Variants in PODNL1 observed in about 807,000 individuals in gnomAD.
The protein encoded by PODNL1 is podocan like 1, also known as podocan-like protein 1.
A neutral mutation model predicts 45.1 loss-of-function variants in PODNL1; 50 were observed. The ratio of observed to expected loss-of-function variants is 1.11; its 90% CI spans 0.88 to 1.40. The LOEUF (loss-of-function observed/expected upper bound fraction) is 1.40. Among genes scored for constraint, PODNL1 ranks in the 40% most tolerant of loss-of-function variants. The probability of loss-of-function intolerance (pLI) is 0.00; values close to 1 mark genes in which losing one functional copy is unlikely to be tolerated. For synonymous variants in PODNL1, 406 were observed against 372.5 expected (o/e 1.09, Z -1.04); for missense variants, 788 against 793.3 (o/e 0.99, Z 0.08).
chr19:13,934,570 G>A (rs1196127633), intron 5 of PODNL1, among the ~76,000 whole-genome samples, 160 bp from the exon 6 acceptor site: 2 of 152,110 alleles, frequency 1.3e-5, no homozygotes, highest in Non-Finnish European at 2.9e-5. Context: ...AATTGTGTAT[G>A]TGTGCATGTG....
At chr19:13,934,546 CTG>C (rs756568565) in intron 5 of PODNL1, 136 bp from the exon 6 acceptor site, 16 of 855,676 alleles carry the variant, frequency 1.9e-5, no homozygotes, top group African/African-American at 5.3e-5. Flanking sequence ...TGTGTGGAGT[CTG>C]TGTGGGAATG....
upstream of PODNL1, among the ~76,000 whole-genome samples, chr19:13,940,669 G>A (rs1203128313): frequency 6.6e-6 from 1 of 151,752 alleles, no homozygotes; most frequent in Admixed American, 6.6e-5. Flanking sequence ...GATCAGCTGA[G>A]GTCAGGAGTT....
rs751434712 is a variant in PODNL1, at chr19:13,933,866, A to C, written c.767+12T>G. On this transcript the variant is annotated intron_variant, in intron 7 of 9. Transcript: ENST00000588872. This position sits in a 1 kb window ranked among gnomAD's most constrained non-coding sequence, Gnocchi z 5.2. Reference sequence around the variant, plus strand: ...AATTCTCAGCCCCTGCTGCCCCCCAACCAGCCTGTACCTGAAGGTGGTGGC... The same window carrying C: ...AATTCTCAGCCCCTGCTGCCCCCCACCCAGCCTGTACCTGAAGGTGGTGGC... 31 of 1,584,794 alleles carry C rather than the reference A, an allele frequency of 2.0e-5. 1 individual carries two copies. Among genetic ancestry groups the C allele is most frequent in the Non-Finnish European group, 2.5e-5 (29 of 1,165,612 alleles).
At chr19:13,945,297 G>A (rs2145459148) in intron 1 of PODNL1, among the ~76,000 whole-genome samples, 1 of 151,844 alleles carries the variant, frequency 6.6e-6, no homozygotes, top group African/African-American at 2.4e-5. Context: ...GAACACTTGA[G>A]GACAAGAGTT....
At chr19:13,936,171 C>T (rs774601779) in intron 3 of PODNL1, 127 bp from the exon 4 acceptor site, 1 of 962,432 alleles carries the variant, frequency 1.0e-6, no homozygotes, top group Non-Finnish European at 1.6e-6. Flanking sequence ...CCTCAGATCC[C>T]CTCCTCCCCA....
Position 13,937,902 on chromosome 19 carries a change from G to A in PODNL1, c.108C>T (p.Pro36=). The change falls in exon 2 of 10, where the codon CCC becomes CCT. Residue 36 remains proline, a synonymous_variant. Coordinates refer to ENST00000588872, the MANE Select transcript of PODNL1 (RefSeq NM_001370095.3). ...PHLGESLQPL[P]RACPLRCSCP... Reference sequence around the variant, plus strand: ...AGGAGCAGCGCAGGGGACAGGCCCGGGGCAGGGGCTGCAAGCTCTCCCCCA... The same window carrying A: ...AGGAGCAGCGCAGGGGACAGGCCCGAGGCAGGGGCTGCAAGCTCTCCCCCA... The A allele has an allele frequency of 6.4e-7, 1 of 1,568,282 alleles. No individual in the cohort carries two copies.
In PODNL1 at chr19:13,932,779, T is replaced by C. The variant is rs750382591; in HGVS notation, c.1425+19A>G. On this transcript the variant is annotated intron_variant, in intron 8 of 9. Coordinates refer to ENST00000588872, the MANE Select transcript of PODNL1 (RefSeq NM_001370095.3). ...GGAGGGGCCCTGGGGACAGTGTGGC[T>C]AACCAGCCTGTGCCTGACCTGGAGG... 8.7e-6 allele frequency: 14 copies of C among 1,612,818 alleles called. No homozygotes were observed. The South Asian group carries it at 1.5e-4, about 18-fold the overall frequency.
intron 1 of PODNL1, among the ~76,000 whole-genome samples, chr19:13,944,933 G>A (rs933833445): frequency 2.6e-5 from 4 of 152,038 alleles, no homozygotes; most frequent in African/African-American, 9.7e-5. Context: ...ACACCACCAT[G>A]CTTGGCTAAT....
At chr19:13,936,243 A>G (rs1453975896) in intron 3 of PODNL1, 124 bp downstream of exon 3, 1 of 1,075,636 alleles carries the variant, frequency 9.3e-7, no homozygotes, top group African/African-American at 1.6e-5. Context: ...CATCCTGCTC[A>G]GCAAAGGGCA....
chr19:13,945,393 G>A (rs918682268), intron 1 of PODNL1, among the ~76,000 whole-genome samples: 3 of 151,818 alleles, frequency 2.0e-5, no homozygotes, highest in African/African-American at 7.3e-5. Context: ...GGTGGCTCAC[G>A]GTTGTAATCC....
intron 3 of PODNL1, 78 bp from the exon 4 acceptor site, chr19:13,936,122 A>C: frequency 7.6e-7 from 1 of 1,307,436 alleles, no homozygotes; most frequent in Non-Finnish European, 1.1e-6. Flanking sequence ...CAGCTGCCCC[A>C]GGACTCTCGG....
At position 13,937,900 on chromosome 19, in the gene PODNL1, C is replaced by G. The variant is rs1413875445; in HGVS notation, c.110G>C (p.Arg37Pro). Reference sequence around the variant, plus strand: ...GCAGGAGCAGCGCAGGGGACAGGCCCGGGGCAGGGGCTGCAAGCTCTCCCC... The same window carrying G: ...GCAGGAGCAGCGCAGGGGACAGGCCGGGGGCAGGGGCTGCAAGCTCTCCCC... ...HLGESLQPLP[R>P]ACPLRCSCPR... The change falls in exon 2 of 10, where the codon CGG becomes CCG. Residue 37 changes from arginine to proline, a missense_variant. Coordinates refer to ENST00000588872, the MANE Select transcript of PODNL1 (RefSeq NM_001370095.3). The G allele has an allele frequency of 1.3e-6, 2 of 1,569,636 alleles. No individual in the cohort carries two copies. Among genetic ancestry groups the G allele is most frequent in the South Asian group, 1.2e-5 (1 of 85,580 alleles).
Position 13,933,817 on chromosome 19 carries a change from T to C in PODNL1, c.767+61A>G. On this transcript the variant is annotated intron_variant, in intron 7 of 9. Transcript: ENST00000588872. The surrounding 1 kb of genome is among the most constrained non-coding windows in gnomAD (Gnocchi z 5.2). ...TAGGAGCCAGTCAGGGAAGGGGGAC[T>C]GAAGGTTGGGACCCCCGACTGTAAA... is the stretch of plus-strand genomic sequence containing the variant. 1 of 1,421,434 alleles carries C rather than the reference T, an allele frequency of 7.0e-7. No homozygotes were observed. The highest frequency in any genetic ancestry group is 9.7e-7 in the Non-Finnish European group (1 of 1,031,030). The allele number at this position is 1,421,434 out of a possible 1,614,324, so 88.1% of individuals were successfully genotyped here. A position where few individuals can be genotyped will look rare whatever the true frequency, so the allele number is the denominator to read the frequency against.
At position 13,933,193 on chromosome 19, in the gene PODNL1, G is replaced by T; in HGVS notation, c.1030C>A (p.Arg344Ser). 6.5e-7 allele frequency: 1 copy of T among 1,535,560 alleles called. No homozygotes were observed. Residue 344 changes from arginine to serine, a missense_variant, in exon 8 of 10, where the codon CGC becomes AGC. By Grantham distance (110) the Arg-to-Ser change is moderately radical. Coordinates refer to ENST00000588872, the MANE Select transcript of PODNL1 (RefSeq NM_001370095.3). The surrounding 1 kb of genome is among the most constrained non-coding windows in gnomAD (Gnocchi z 5.2). Reference sequence around the variant, plus strand: ...CGGCGGGGCAGGGCTGGAGGCACGCGGTCCAGCCCATTGCCATAGAGGTGC... The same window carrying T: ...CGGCGGGGCAGGGCTGGAGGCACGCTGTCCAGCCCATTGCCATAGAGGTGC... ...TLHLYGNGLD[R>S]VPPALPRRLR...
rs1300248834 is a variant in PODNL1, at chr19:13,936,464, C to T, written c.226-4G>A. On this transcript the variant is annotated splice_region_variant and splice_polypyrimidine_tract_variant and intron_variant, in intron 2 of 9. Transcript: ENST00000588872. ...GGAGTTCCTGGAGCTGGTTGTTCTG[C>T]AGGGTGAGAGTTGGGGTGTTCACAC... is the stretch of plus-strand genomic sequence containing the variant. 3 of 1,611,376 alleles carry T rather than the reference C, an allele frequency of 1.9e-6. No individual in the cohort carries two copies. The highest frequency in any genetic ancestry group is 2.5e-6 in the Non-Finnish European group (3 of 1,177,916).
Position 13,937,961 on chromosome 19 carries a change from C to CGGG in PODNL1, c.46_48dup (p.Pro16dup). On this transcript the variant is annotated inframe_insertion, in exon 2 of 10. Transcript: ENST00000588872. ...AAGGCAGCGTCTTCCAAGCCGGCGA[C>CGGG]GGGCGGGGGCCCCGGCAACAGCAGG... 1.3e-6 allele frequency: 2 copies of CGGG among 1,541,572 alleles called. No individual in the cohort carries two copies. Among genetic ancestry groups the CGGG allele is most frequent in the Non-Finnish European group, 1.8e-6 (2 of 1,140,148 alleles).
chr19:13,945,738 G>A (rs1432897765), intron 1 of PODNL1, among the ~76,000 whole-genome samples: 1 of 151,968 alleles, frequency 6.6e-6, no homozygotes, highest in African/African-American at 2.4e-5. Flanking sequence ...ACCCACCTCA[G>A]CCTCCCAAAG....
intron 8 of PODNL1, chr19:13,932,571 G>T (rs1456987584): frequency 2.5e-6 from 3 of 1,205,516 alleles, no homozygotes; most frequent in Admixed American, 2.4e-5. Context: ...TGCCAGGCTG[G>T]TCTCAAACCC....
At chr19:13,935,605 G>A (rs1972287630) in intron 5 of PODNL1, 116 bp downstream of exon 5, 2 of 743,270 alleles carry the variant, frequency 2.7e-6, no homozygotes, top group Non-Finnish European at 4.2e-6. Context: ...AGGATTACAG[G>A]AGTGAGCCAC....
Sources: gnomAD v4.1 joint callset for allele counts (sites outside exome capture counted in the v4.1 genomes callset) on GRCh38, gnomAD v4.1.1 for gene constraint, Gnocchi (gnomAD v3.1) non-coding constraint, MANE v1.5 for transcripts, NCBI Gene and HGNC (gene_info 2026-07-23, HGNC 2026-07-21) for gene names.